DCTD: variants seen among roughly 807,000 people sequenced by gnomAD.
The protein encoded by DCTD is deoxycytidylate deaminase.
Under a neutral mutation model 21.0 loss-of-function variants are expected in DCTD, and 23 were observed. The ratio of observed to expected loss-of-function variants is 1.09; its 90% CI spans 0.79 to 1.55. DCTD has a LOEUF of 1.55. Ranked by LOEUF, DCTD falls within the 40% of genes most tolerant of loss-of-function variation. The pLI is 0.00. For missense variants in DCTD, 224 were observed against 230.0 expected, an observed-to-expected ratio of 0.97 and a Z score of 0.17; for synonymous variants, 71 against 81.1, an observed-to-expected ratio of 0.88 and a Z score of 0.67.
chr4:182,914,568 C>T (rs1379284915), intron 3 of DCTD, among the ~76,000 whole-genome samples: 2 of 152,364 alleles, frequency 1.3e-5, no homozygotes, highest in African/African-American at 2.4e-5. Flanking sequence ...CACAGAGACA[C>T]CATGCACATC....
At position 182,917,007 on chromosome 4, in the gene DCTD, G is replaced by A; in HGVS notation, c.-8+304C>T. 1 of 990,168 alleles carries A rather than the reference G, an allele frequency of 1.0e-6. No homozygotes were observed. Among genetic ancestry groups the A allele is most frequent in the African/African-American group, 1.7e-5 (1 of 57,348 alleles). 61.3% of individuals were successfully genotyped at this position (990,168 alleles called of 1,614,324 possible). A position where few individuals can be genotyped will look rare whatever the true frequency, so the allele number is the denominator to read the frequency against. On this transcript the variant is annotated intron_variant, in intron 1 of 5. Coordinates refer to ENST00000438320, the MANE Select transcript of DCTD (RefSeq NM_001921.3). This position sits in a 1 kb window ranked among gnomAD's most constrained non-coding sequence, Gnocchi z 4.9. The stretch of plus-strand genomic sequence containing the variant: ...CATTCCCAACCCACACACGGGCGCA[G>A]GAAGGGATGTGGTGTTCAGACGCCC...
chr4:182,917,438 G>A (rs1045432281), upstream of DCTD: 8 of 860,832 alleles, frequency 9.3e-6, no homozygotes, highest in African/African-American at 1.8e-5. This position sits in a 1 kb window ranked among gnomAD's most constrained non-coding sequence, Gnocchi z 4.9. Context: ...GGCGCCGCGC[G>A]TTCGCAGGAC....
intron 3 of DCTD, among the ~76,000 whole-genome samples, chr4:182,899,383 C>T (rs1735299952): frequency 6.6e-6 from 1 of 151,072 alleles, no homozygotes; most frequent in African/African-American, 2.4e-5. Context: ...CTCCCATAGT[C>T]ACTGCCCTTT....
At chr4:182,905,624 GCTC>G (rs1304864377) in intron 3 of DCTD, among the ~76,000 whole-genome samples, 1 of 152,104 alleles carries the variant, frequency 6.6e-6, no homozygotes, top group Non-Finnish European at 1.5e-5. Context: ...TGCTCTGTGT[GCTC>G]CTTCTCACGG....
chr4:182,895,127 A>G (rs1394142892), intron 3 of DCTD, among the ~76,000 whole-genome samples: 1 of 152,228 alleles, frequency 6.6e-6, no homozygotes, highest in African/African-American at 2.4e-5. Context: ...CCCAGAGTGC[A>G]GCGGCATGAT....
intron 3 of DCTD, among the ~76,000 whole-genome samples, chr4:182,901,649 G>A (rs970972352): frequency 6.6e-6 from 1 of 152,142 alleles, no homozygotes; most frequent in South Asian, 2.1e-4. Flanking sequence ...GCTAAGAAGC[G>A]TCTGCTCATG....
chr4:182,894,430 G>T, intron 4 of DCTD, 59 bp downstream of exon 4: 1 of 959,018 alleles, frequency 1.0e-6, no homozygotes, highest in Non-Finnish European at 1.7e-6. Flanking sequence ...CATCAGCAAT[G>T]AGCTACTGAC....
Position 182,917,247 on chromosome 4 carries a change from G to A in DCTD, c.-8+64C>T, listed in dbSNP as rs867659264. Reference sequence around the variant, plus strand: ...GCGCCCCGCGCCACGCGCTCGGGACGGTGCCACGCGGCGGTGGCTAGGGGC... The same window carrying A: ...GCGCCCCGCGCCACGCGCTCGGGACAGTGCCACGCGGCGGTGGCTAGGGGC... On this transcript the variant is annotated intron_variant, in intron 1 of 5. Coordinates refer to ENST00000438320, the MANE Select transcript of DCTD (RefSeq NM_001921.3). This position sits in a 1 kb window ranked among gnomAD's most constrained non-coding sequence, Gnocchi z 4.9. 7.7e-5 allele frequency: 78 copies of A among 1,009,522 alleles called. No homozygotes were observed. In the South Asian group the frequency reaches 2.1e-3, roughly 27 times the overall value. 62.5% of individuals were successfully genotyped at this position (1,009,522 alleles called of 1,614,324 possible). A position where few individuals can be genotyped will look rare whatever the true frequency, so the allele number is the denominator to read the frequency against.
At chr4:182,901,406 T>C (rs988244793) in intron 3 of DCTD, among the ~76,000 whole-genome samples, 2 of 152,122 alleles carry the variant, frequency 1.3e-5, no homozygotes, top group Non-Finnish European at 2.9e-5. Flanking sequence ...TGACACAGGA[T>C]TTTCCTTAAA....
intron 3 of DCTD, among the ~76,000 whole-genome samples, chr4:182,905,724 A>C (rs1240577841): frequency 6.6e-6 from 1 of 152,034 alleles, no homozygotes; most frequent in African/African-American, 2.4e-5. Flanking sequence ...TGCTCCCTTC[A>C]TCAGCCACCC....
chr4:182,894,239 T>C (rs1734312136), intron 4 of DCTD, among the ~76,000 whole-genome samples: 1 of 152,224 alleles, frequency 6.6e-6, no homozygotes, highest in Non-Finnish European at 1.5e-5. Context: ...GCCTGTGTTG[T>C]TTTTTGGCAG....
At position 182,915,464 on chromosome 4, in the gene DCTD, G is replaced by A. The variant is rs769840877; in HGVS notation, c.105C>T (p.Ser35=). The change falls in exon 2 of 6, where the codon TCC becomes TCT. Residue 35 remains serine, a synonymous_variant. Transcript: ENST00000438320. ...TTCTCCCGTGAAATTCATTTACCTGGGAATTTGGATCTTTGCTTCTCTGTG... is the reference window on the plus strand; with the variant it reads ...TTCTCCCGTGAAATTCATTTACCTGAGAATTTGGATCTTTGCTTCTCTGTG... The part of the protein sequence containing the change: ...LSAQRSKDPN[S]QVGACIVNSE... 6.3e-7 allele frequency: 1 copy of A among 1,593,238 alleles called. No individual in the cohort carries two copies. Among genetic ancestry groups the A allele is most frequent in the Non-Finnish European group, 8.6e-7 (1 of 1,160,986 alleles).
At chr4:182,899,851 T>C (rs1276893418) in intron 3 of DCTD, among the ~76,000 whole-genome samples, 2 of 152,206 alleles carry the variant, frequency 1.3e-5, no homozygotes, top group African/African-American at 2.4e-5. Context: ...ACCTTTCCTC[T>C]ATGGGTTAAA....
At chr4:182,893,206 C>CT in intron 4 of DCTD, 79 bp from the exon 5 acceptor site, 1 of 811,830 alleles carries the variant, frequency 1.2e-6, no homozygotes, top group Non-Finnish European at 2.1e-6. Flanking sequence ...AGCTGGAGCA[C>CT]TTTCAGCGTC....
At chr4:182,905,790 A>G (rs565531562) in intron 3 of DCTD, among the ~76,000 whole-genome samples, 1 of 152,108 alleles carries the variant, frequency 6.6e-6, no homozygotes, top group East Asian at 1.9e-4. Flanking sequence ...CTAATCCCCA[A>G]CTCATACACC....
chr4:182,894,595 C>A lies in DCTD; in HGVS notation c.255G>T (p.Ala85=), dbSNP rs6552619. ...LDTKYPYVCH[A]ELNAIMNKNS... is the part of the protein sequence containing the mutation. ...TTTTGTTCATGATGGCATTCAGCTC[C>A]GCATGGCACACTGTGGGTTGAAAGG... Residue 85 remains alanine, a synonymous_variant, in exon 4 of 6, where the codon GCG becomes GCT. Coordinates refer to ENST00000438320, the MANE Select transcript of DCTD (RefSeq NM_001921.3). The A allele has an allele frequency of 3.7e-6, 6 of 1,611,716 alleles. No homozygotes were observed. In the African/African-American group the frequency reaches 5.3e-5, roughly 14 times the overall value.
chr4:182,911,604 G>A (rs1366409805), intron 3 of DCTD: 1 of 152,112 alleles, frequency 6.6e-6, no homozygotes, highest in African/African-American at 2.4e-5. Context: ...CACTGACCTT[G>A]GAATTAGGAG....
rs771687988 is a variant in DCTD at position 182,915,066 on chromosome 4, G to A, written c.109-8C>T. On this transcript the variant is annotated splice_region_variant and splice_polypyrimidine_tract_variant and intron_variant, in intron 2 of 5. Coordinates refer to ENST00000438320, the MANE Select transcript of DCTD (RefSeq NM_001921.3). ...CACGATGCAGGCGCCGACCTAGAAG[G>A]AAACATGCCCAAAGGCTTGGTGCCT... is the stretch of plus-strand genomic sequence containing the variant. The A allele has an allele frequency of 2.6e-5, 42 of 1,614,108 alleles. No homozygotes were observed. Among genetic ancestry groups the A allele is most frequent in the Non-Finnish European group, 3.5e-5 (41 of 1,180,048 alleles).
Position 182,914,916 on chromosome 4 carries a change from GC to G in DCTD, c.244+6del, listed in dbSNP as rs558168148. 461 of 1,614,182 alleles carry G rather than the reference GC, an allele frequency of 2.9e-4. 6 individuals are homozygous for G. In the South Asian group the frequency reaches 4.8e-3, roughly 17 times the overall value. On this transcript the variant is annotated splice_donor_region_variant and intron_variant, in intron 3 of 5. Transcript: ENST00000438320. ...CTAAGCAGAATGGGACATAAAACTT[GC>G]CCTACCGTACGGGTATTTGGTGTCC... is the stretch of plus-strand genomic sequence containing the variant.
Sources: gnomAD v4.1 joint callset for allele counts (sites outside exome capture counted in the v4.1 genomes callset) on GRCh38, gnomAD v4.1.1 for gene constraint, Gnocchi (gnomAD v3.1) non-coding constraint, MANE v1.5 for transcripts, NCBI Gene and HGNC (gene_info 2026-07-23, HGNC 2026-07-21) for gene names.